ATRNL1: variants seen among roughly 807,000 people sequenced by gnomAD.
The protein encoded by ATRNL1 is attractin-like protein 1.
ATRNL1 carries 95 observed loss-of-function variants against 182.7 expected under a neutral mutation model. The observed-to-expected ratio is 0.52, with a 90% CI of 0.44 to 0.62. The LOEUF (loss-of-function observed/expected upper bound fraction) is 0.62, where lower values mean the gene tolerates loss of function less well. Among genes scored for constraint, ATRNL1 ranks in the 20% least tolerant of loss-of-function variants. The pLI is 0.00. For synonymous variants in ATRNL1, 576 were observed against 568.3 expected (o/e 1.01, Z -0.19); for missense variants, 1,471 against 1,679.5 (o/e 0.88, Z 2.17).
chr10:115,320,358 A>G (rs782220996), intron 18 of ATRNL1, among the ~76,000 whole-genome samples: 1 of 151,798 alleles, frequency 6.6e-6, no homozygotes, highest in Non-Finnish European at 1.5e-5. Flanking sequence ...AGAGAATCTG[A>G]TGGTTATGTG....
chr10:115,333,539 A>C (rs931920109), intron 18 of ATRNL1, among the ~76,000 whole-genome samples: 4 of 147,038 alleles, frequency 2.7e-5, no homozygotes, highest in Non-Finnish European at 5.9e-5. Flanking sequence ...GCTGGAGTGC[A>C]CTGGCACGAT....
intron 26 of ATRNL1, among the ~76,000 whole-genome samples, chr10:115,641,502 G>T (rs1859246512): frequency 6.6e-6 from 1 of 152,116 alleles, no homozygotes; most frequent in Non-Finnish European, 1.5e-5. Flanking sequence ...TGTAGATATG[G>T]TTCTTAGTAT....
intron 15 of ATRNL1, among the ~76,000 whole-genome samples, chr10:115,298,665 C>T (rs1853321996): frequency 6.6e-6 from 1 of 152,034 alleles, no homozygotes; most frequent in Admixed American, 6.5e-5. Context: ...ATGCTGGTCA[C>T]AATGTGAAGC....
intron 27 of ATRNL1, among the ~76,000 whole-genome samples, chr10:115,765,986 G>T (rs368909830): frequency 1.5e-3 from 3 of 1,992 alleles, no homozygotes; most frequent in Non-Finnish European, 8.9e-3. Context: ...CCCCCCCCCG[G>T]CTCACTAAAG....
At chr10:115,884,351 A>G (rs1951895125) in intron 28 of ATRNL1, among the ~76,000 whole-genome samples, 1 of 152,218 alleles carries the variant, frequency 6.6e-6, no homozygotes, top group African/African-American at 2.4e-5. Flanking sequence ...TGTTTAAGCC[A>G]TATCTCAACA....
At chr10:115,629,950 T>C (rs2133826709) in intron 26 of ATRNL1, among the ~76,000 whole-genome samples, 1 of 152,284 alleles carries the variant, frequency 6.6e-6, no homozygotes, top group Non-Finnish European at 1.5e-5. Context: ...AGAAGCAGCA[T>C]GATTTTAAAA....
chr10:115,745,888 C>A (rs1948277915), intron 27 of ATRNL1, among the ~76,000 whole-genome samples: 1 of 151,938 alleles, frequency 6.6e-6, no homozygotes, highest in South Asian at 2.1e-4. Context: ...TAATGAAATA[C>A]TAGGGGTGGG....
At chr10:115,325,124 G>A (rs1160604324) in intron 18 of ATRNL1, among the ~76,000 whole-genome samples, 3 of 152,134 alleles carry the variant, frequency 2.0e-5, no homozygotes, top group Admixed American at 1.3e-4. Context: ...ATCAAATGCT[G>A]AGTTGTCATT....
At chr10:115,211,614 C>CT (rs551165572) in intron 8 of ATRNL1, among the ~76,000 whole-genome samples, 48 of 145,858 alleles carry the variant, frequency 3.3e-4, no homozygotes, top group African/African-American at 5.8e-4. Context: ...GCCATCATTT[C>CT]TTTTTTTTTT....
At position 115,772,591 on chromosome 10, in the gene ATRNL1, CTCTG is replaced by C. The variant is rs1375770116; in HGVS notation, c.3903+45242_3903+45245del. On this transcript the variant is annotated intron_variant, in intron 27 of 28. Transcript: ENST00000355044. ...ACTGTATAAATATACAAAATATATACTCTGTCTGTGTGTGTGTGTGTGTGTGTGT... is the reference window on the plus strand; with the variant it reads ...ACTGTATAAATATACAAAATATATACTCTGTGTGTGTGTGTGTGTGTGTGT... Among the ~76,000 whole-genome samples, 1,229 of 130,548 alleles carry C rather than the reference CTCTG, an allele frequency of 9.4e-3. 14 individuals carry two copies. Among genetic ancestry groups the C allele is most frequent in the East Asian group, 0.034 (169 of 4,924 alleles). The allele number at this position is 130,548 out of a possible 152,430, so 85.6% of individuals were successfully genotyped here. A position where few individuals can be genotyped will look rare whatever the true frequency, so the allele number is the denominator to read the frequency against.
chr10:115,645,934 C>T (rs1859580475), intron 26 of ATRNL1, among the ~76,000 whole-genome samples: 1 of 151,866 alleles, frequency 6.6e-6, no homozygotes, highest in African/African-American at 2.4e-5. Flanking sequence ...AAAATTGGTA[C>T]TTGAAACCAG....
chr10:115,862,081 A>G (rs1420411334), intron 28 of ATRNL1, among the ~76,000 whole-genome samples: 1 of 152,180 alleles, frequency 6.6e-6, no homozygotes, highest in Non-Finnish European at 1.5e-5. Flanking sequence ...TGGACCATCC[A>G]TTTATAGTTT....
chr10:115,455,838 C>A (rs1405023033), intron 21 of ATRNL1, among the ~76,000 whole-genome samples: 1 of 152,106 alleles, frequency 6.6e-6, no homozygotes, highest in Non-Finnish European at 1.5e-5. Flanking sequence ...TATGAACAGA[C>A]ACTTCTCACA....
chr10:115,410,375 G>A (rs1175560859), intron 20 of ATRNL1, among the ~76,000 whole-genome samples: 4 of 151,198 alleles, frequency 2.6e-5, no homozygotes, highest in African/African-American at 9.8e-5. Flanking sequence ...AGACTGGAGT[G>A]CAGTGGCACA....
chr10:115,605,708 A>G (rs11814126), intron 26 of ATRNL1, among the ~76,000 whole-genome samples: 3,402 of 152,126 alleles, frequency 0.022, 118 homozygotes, highest in African/African-American at 0.078. Context: ...TTTAGTATGC[A>G]TATACAGAAA....
At chr10:115,196,482 T>G (rs1848365557) in intron 8 of ATRNL1, among the ~76,000 whole-genome samples, 1 of 152,128 alleles carries the variant, frequency 6.6e-6, no homozygotes, top group Non-Finnish European at 1.5e-5. Flanking sequence ...GCTGCAAAGA[T>G]TTTAATTGGG....
intron 27 of ATRNL1, among the ~76,000 whole-genome samples, chr10:115,782,164 G>GCC (rs1349123780): frequency 6.6e-6 from 1 of 152,190 alleles, no homozygotes; most frequent in Non-Finnish European, 1.5e-5. Context: ...GAGGCCATAT[G>GCC]CCACAGAGCC....
At chr10:115,542,618 A>C (rs932044580) in intron 25 of ATRNL1, among the ~76,000 whole-genome samples, 5 of 152,172 alleles carry the variant, frequency 3.3e-5, no homozygotes, top group Non-Finnish European at 7.3e-5. Flanking sequence ...ATCATAAGAA[A>C]ATGTAGCTAG....
At chr10:115,489,486 T>C (rs919116919) in intron 24 of ATRNL1, among the ~76,000 whole-genome samples, 4 of 152,224 alleles carry the variant, frequency 2.6e-5, no homozygotes, top group Non-Finnish European at 5.9e-5. Context: ...GTAATGGCCT[T>C]CTTTGTCTCT....
Sources: gnomAD v4.1 joint callset for allele counts (sites outside exome capture counted in the v4.1 genomes callset) on GRCh38, gnomAD v4.1.1 for gene constraint, MANE v1.5 for transcripts, NCBI Gene and HGNC (gene_info 2026-07-23, HGNC 2026-07-21) for gene names.